PTPRC: variants seen among roughly 807,000 people sequenced by gnomAD.
PTPRC encodes protein tyrosine phosphatase receptor type C, also known as receptor-type tyrosine-protein phosphatase C.
In PTPRC, 44 loss-of-function variants were observed where a neutral mutation model predicts 155.9. The observed-to-expected ratio is 0.28, with a 90% CI of 0.22 to 0.36. The LOEUF (loss-of-function observed/expected upper bound fraction) is 0.36. PTPRC is among the 10% of genes least tolerant of loss of function. The pLI, the probability that PTPRC is intolerant of heterozygous loss-of-function variation, is 1.00. For synonymous variants in PTPRC, 525 were observed against 533.1 expected (o/e 0.98, Z 0.21); for missense variants, 1,401 against 1,564.6 (o/e 0.90, Z 1.76).
chr1:198,679,396 ATT>A (rs34684883), intron 2 of PTPRC, among the ~76,000 whole-genome samples: 37,352 of 110,378 alleles, frequency 0.34, 6,162 homozygotes, highest in Non-Finnish European at 0.41. Flanking sequence ...ACGCCCAGCT[ATT>A]TTTTTTTTTT....
intron 11 of PTPRC, chr1:198,712,704 G>A (rs1199702696): frequency 2.3e-5 from 11 of 486,678 alleles, no homozygotes; most frequent in East Asian, 7.6e-5. Context: ...AAAGGAAGAG[G>A]GGGTTCTTAG....
chr1:198,697,714 C>G (rs1571845711), intron 4 of PTPRC, among the ~76,000 whole-genome samples: 1 of 152,158 alleles, frequency 6.6e-6, no homozygotes, highest in Admixed American at 6.5e-5. Context: ...TAGACATACT[C>G]TGATAAAAGA....
intron 14 of PTPRC, among the ~76,000 whole-genome samples, chr1:198,718,595 T>G (rs1268167475): frequency 6.6e-6 from 1 of 152,198 alleles, no homozygotes; most frequent in East Asian, 1.9e-4. Context: ...GCACAACAGA[T>G]TATTACTTTA....
chr1:198,652,935 C>G (rs1289732845), intron 2 of PTPRC, among the ~76,000 whole-genome samples: 1 of 151,672 alleles, frequency 6.6e-6, no homozygotes, highest in Non-Finnish European at 1.5e-5. Flanking sequence ...CAAGTGGAAC[C>G]TCAAAATTCT....
At chr1:198,741,085 C>A (rs74134795) in intron 23 of PTPRC, among the ~76,000 whole-genome samples, 28,056 of 151,712 alleles carry the variant, frequency 0.18, 3,137 homozygotes, top group African/African-American at 0.29. Flanking sequence ...AAGGCACCTG[C>A]TCCATAGATA....
chr1:198,750,394 T>C (rs904723091), intron 28 of PTPRC, 98 bp from the exon 29 acceptor site: 3 of 1,259,208 alleles, frequency 2.4e-6, no homozygotes, highest in South Asian at 1.2e-5. Flanking sequence ...TGTAACAGCA[T>C]TGATATCAAA....
intron 14 of PTPRC, among the ~76,000 whole-genome samples, chr1:198,719,427 C>A (rs935128882): frequency 6.6e-6 from 1 of 152,034 alleles, no homozygotes; most frequent in African/African-American, 2.4e-5. Context: ...TTATAATTTG[C>A]CTTTTAGTTT....
chr1:198,753,657 C>A (rs1655489563), intron 31 of PTPRC, among the ~76,000 whole-genome samples: 1 of 151,996 alleles, frequency 6.6e-6, no homozygotes, highest in African/African-American at 2.4e-5. Context: ...GATTTATGTA[C>A]AATAACTAAA....
intron 6 of PTPRC, 107 bp downstream of exon 6, chr1:198,702,637 T>C: frequency 6.7e-7 from 1 of 1,486,732 alleles, no homozygotes; most frequent in Non-Finnish European, 9.4e-7. Context: ...TTTGTAGGTT[T>C]CCCATTTTAC....
chr1:198,646,969 C>T (rs1001895677), intron 2 of PTPRC, among the ~76,000 whole-genome samples: 5 of 151,868 alleles, frequency 3.3e-5, no homozygotes, highest in Admixed American at 6.6e-5. Flanking sequence ...AATTGAATCT[C>T]TTCAGATTTG....
At chr1:198,731,837 C>A in intron 18 of PTPRC, 111 bp downstream of exon 18, 1 of 844,266 alleles carries the variant, frequency 1.2e-6, no homozygotes, top group Non-Finnish European at 2.0e-6. Context: ...GATATTGCAA[C>A]ATAAGCAAAG....
At chr1:198,709,543 G>T in intron 10 of PTPRC, 144 bp from the exon 11 acceptor site, 1 of 728,754 alleles carries the variant, frequency 1.4e-6, no homozygotes, top group Non-Finnish European at 1.9e-6. Flanking sequence ...ATTATTTTTA[G>T]GGTTTTTTAT....
Position 198,742,311 on chromosome 1 carries a change from G to T in PTPRC, c.2641G>T (p.Val881Phe). ...CCTGGAAGCCGAGAACAAAGTGGATGTTTATGGTTATGTTGTCAAGCTAAG... is the reference window on the plus strand; with the variant it reads ...CCTGGAAGCCGAGAACAAAGTGGATTTTTATGGTTATGTTGTCAAGCTAAG... ...EGLEAENKVD[V>F]YGYVVKLRRQ... is the part of the protein sequence containing the mutation. The change falls in exon 25 of 33, where the codon GTT becomes TTT. Residue 881 changes from valine to phenylalanine, a missense_variant. Around this residue, in one of 3 missense-constraint regions of PTPRC, gnomAD observed 134 missense variants for 204.7 expected, o/e 0.65. Transcript: ENST00000442510. 1 of 1,612,408 alleles carries T rather than the reference G, an allele frequency of 6.2e-7. No individual in the cohort carries two copies. Among genetic ancestry groups the T allele is most frequent in the African/African-American group, 1.3e-5 (1 of 74,872 alleles).
At chr1:198,755,776 T>TATC in intron 32 of PTPRC, 130 bp from the exon 33 acceptor site, 1 of 976,588 alleles carries the variant, frequency 1.0e-6, no homozygotes, top group Non-Finnish European at 1.6e-6. Flanking sequence ...TATGAGAACA[T>TATC]ATCAAAAAGT....
At chr1:198,675,750 GA>G (rs898839021) in intron 2 of PTPRC, among the ~76,000 whole-genome samples, 2 of 152,158 alleles carry the variant, frequency 1.3e-5, no homozygotes, top group Admixed American at 1.3e-4. Flanking sequence ...TTCCCTGGAA[GA>G]GTTTCTCATT....
rs933872991 is a variant in PTPRC, at chr1:198,672,621, C to A, written c.74-19726C>A. 7.5e-4 allele frequency among the ~76,000 whole-genome samples: 113 copies of A among 151,406 alleles called. 1 individual carries two copies. The highest frequency in any genetic ancestry group is 6.7e-3 in the Admixed American group (102 of 15,156). ...AGTAGCTGGGATTACAGGTGCACGC[C>A]ACCATGCCCAGCTATTTTTTTTTTT... On this transcript the variant is annotated intron_variant, in intron 2 of 32. Transcript: ENST00000442510.
chr1:198,683,978 C>T (rs1286698173), intron 2 of PTPRC, among the ~76,000 whole-genome samples: 1 of 151,984 alleles, frequency 6.6e-6, no homozygotes, highest in African/African-American at 2.4e-5. Flanking sequence ...AATATATTAA[C>T]ACACTTTATA....
intron 2 of PTPRC, among the ~76,000 whole-genome samples, chr1:198,659,884 G>A (rs1663844909): frequency 6.6e-6 from 1 of 151,328 alleles, no homozygotes; most frequent in Non-Finnish European, 1.5e-5. Flanking sequence ...AGTTGTTTTA[G>A]TTTTCAAAGA....
intron 17 of PTPRC, among the ~76,000 whole-genome samples, chr1:198,729,872 GAACCAATGGAC>G (rs1654309624): frequency 6.6e-6 from 1 of 152,090 alleles, no homozygotes; most frequent in Non-Finnish European, 1.5e-5. Context: ...AGATTGTGGG[GAACCAATGGAC>G]AAATGAGGGA....
Sources: allele counts gnomAD v4.1 joint callset (sites outside exome capture counted in the v4.1 genomes callset), GRCh38; gene constraint gnomAD v4.1.1; regional missense constraint gnomAD v4.1.1; transcripts MANE v1.5; gene names NCBI Gene and HGNC (gene_info 2026-07-23, HGNC 2026-07-21).